Variants in LMTK2 observed in about 807,000 individuals in gnomAD.
The protein encoded by LMTK2 is serine/threonine-protein kinase LMTK2.
In LMTK2, 37 loss-of-function variants were observed where a neutral mutation model predicts 127.5. That is an observed-to-expected ratio of 0.29 (90% CI 0.22 to 0.38). The LOEUF (loss-of-function observed/expected upper bound fraction) is 0.38. Among genes scored for constraint, LMTK2 ranks in the 10% least tolerant of loss-of-function variants. The probability of loss-of-function intolerance (pLI) is 1.00; values close to 1 mark genes in which losing one functional copy is unlikely to be tolerated. For missense variants in LMTK2, 1,694 were observed against 1,920.3 expected, an observed-to-expected ratio of 0.88 and a Z score of 2.20; for synonymous variants, 819 against 810.1, an observed-to-expected ratio of 1.01 and a Z score of -0.19.
chr7:98,191,749 T>C lies in LMTK2; in HGVS notation c.1284T>C (p.Ala428=). 6.2e-7 allele frequency: 1 copy of C among 1,614,142 alleles called. No individual in the cohort carries two copies. The highest frequency in any genetic ancestry group is 1.1e-5 in the South Asian group (1 of 91,084). Residue 428 remains alanine, a synonymous_variant, in exon 11 of 14, where the codon GCT becomes GCC. Coordinates refer to ENST00000297293, the MANE Select transcript of LMTK2 (RefSeq NM_014916.4). The stretch of plus-strand genomic sequence containing the variant: ...TCGACTTTGAACAGCAGTGGAACGC[T>C]CTGAAGCCGAACACAAACAGCAGAG... The part of the protein sequence containing the change: ...SEVDFEQQWN[A]LKPNTNSRDS...
chr7:98,184,229 C>T (rs1157698713), intron 7 of LMTK2, among the ~76,000 whole-genome samples: 1 of 152,008 alleles, frequency 6.6e-6, no homozygotes, highest in Non-Finnish European at 1.5e-5. Flanking sequence ...TCGAGCGTTC[C>T]CAGTGGGAGG....
At position 98,107,237 on chromosome 7, in the gene LMTK2, C is replaced by T; in HGVS notation, c.60C>T (p.Ile20=). 2 of 1,459,652 alleles carry T rather than the reference C, an allele frequency of 1.4e-6. No homozygotes were observed. The highest frequency in any genetic ancestry group is 9.0e-7 in the Non-Finnish European group (1 of 1,113,242). The allele number at this position is 1,459,652 out of a possible 1,614,324, so 90.4% of individuals were successfully genotyped here. A position where few individuals can be genotyped will look rare whatever the true frequency, so the allele number is the denominator to read the frequency against. ...TGCTGCTGCTGCTGGTCCTCCTGATCGCCGGCAGTGCTGGGGCCGCGCCAC... is the reference window on the plus strand; with the variant it reads ...TGCTGCTGCTGCTGGTCCTCCTGATTGCCGGCAGTGCTGGGGCCGCGCCAC... ...RLLLLLLVLL[I]AGSAGAAPLP... is the part of the protein sequence containing the mutation. The change falls in exon 1 of 14, where the codon ATC becomes ATT. Residue 20 remains isoleucine, a synonymous_variant. Coordinates refer to ENST00000297293, the MANE Select transcript of LMTK2 (RefSeq NM_014916.4).
intron 3 of LMTK2, among the ~76,000 whole-genome samples, chr7:98,143,050 A>C (rs918519614): frequency 6.6e-6 from 1 of 152,232 alleles, no homozygotes; most frequent in Admixed American, 6.5e-5. Flanking sequence ...AGGTGGGGAC[A>C]GACAGACAGC....
At chr7:98,204,217 G>A (rs752452926) in intron 13 of LMTK2, 31 bp downstream of exon 13, 10 of 1,244,814 alleles carry the variant, frequency 8.0e-6, no homozygotes, top group Admixed American at 3.4e-5. Flanking sequence ...GGGATTGGGA[G>A]TGCAGGGTCG....
intron 4 of LMTK2, 100 bp downstream of exon 4, chr7:98,151,555 T>G: frequency 1.1e-6 from 1 of 945,302 alleles, no homozygotes; most frequent in Non-Finnish European, 1.6e-6. Context: ...ACGTGCCCTG[T>G]GGGCCCTGCG....
chr7:98,194,644 T>G lies in LMTK2; in HGVS notation c.4107+72T>G. The G allele has an allele frequency of 1.5e-6, 2 of 1,373,820 alleles. No homozygotes were observed. Among genetic ancestry groups the G allele is most frequent in the Non-Finnish European group, 2.0e-6 (2 of 1,024,566 alleles). The allele number at this position is 1,373,820 out of a possible 1,614,324, so 85.1% of individuals were successfully genotyped here. On this transcript the variant is annotated intron_variant, in intron 11 of 13. Transcript: ENST00000297293. This position sits in a 1 kb window ranked among gnomAD's most constrained non-coding sequence, Gnocchi z 5.4. ...TTCCAAAATGTGCTAGGAAATTGAG[T>G]GTGGTCTGTTTTCTAGTTGCCATTT...
At position 98,186,450 on chromosome 7, in the gene LMTK2, T is replaced by C. The variant is rs369475340; in HGVS notation, c.877-427T>C. Among the ~76,000 whole-genome samples the C allele has an allele frequency of 1.3e-3, 195 of 152,306 alleles. 4 individuals carry two copies. The South Asian group carries it at 0.039, about 30-fold the overall frequency. ...GGAAAAAACTTCACAAAGTTGTTGC[T>C]TGCGTAGAATCACATAGCTGGTAAA... is the stretch of plus-strand genomic sequence containing the variant. On this transcript the variant is annotated intron_variant, in intron 8 of 13. Coordinates refer to ENST00000297293, the MANE Select transcript of LMTK2 (RefSeq NM_014916.4).
intron 6 of LMTK2, among the ~76,000 whole-genome samples, chr7:98,165,013 T>C (rs1797073130): frequency 6.6e-6 from 1 of 152,212 alleles, no homozygotes; most frequent in Non-Finnish European, 1.5e-5. Context: ...CCACTGTTTC[T>C]GAAGGCAGTT....
Position 98,191,995 on chromosome 7 carries a change from T to A in LMTK2, c.1530T>A (p.Phe510Leu), listed in dbSNP as rs757018596. Reference sequence around the variant, plus strand: ...GCATCTTCTATCCGGTTGAAGTTTTTGAGAGTTCGCTTTCAGATCCTGGGC... The same window carrying A: ...GCATCTTCTATCCGGTTGAAGTTTTAGAGAGTTCGCTTTCAGATCCTGGGC... Reference protein sequence around the residue: ...YTSIFYPVEVFESSLSDPGPG... With the variant: ...YTSIFYPVEVLESSLSDPGPG... Residue 510 changes from phenylalanine (F) to leucine (L), a missense_variant, in exon 11 of 14, where the codon TTT (phenylalanine) becomes TTA (leucine). Around this residue, in one of 8 missense-constraint regions of LMTK2, gnomAD observed 216 missense variants for 266.8 expected, o/e 0.81. Coordinates refer to ENST00000297293, the MANE Select transcript of LMTK2 (RefSeq NM_014916.4). 1 of 1,612,186 alleles carries A rather than the reference T, an allele frequency of 6.2e-7. No homozygotes were observed. Among genetic ancestry groups the A allele is most frequent in the African/African-American group, 1.3e-5 (1 of 75,004 alleles).
chr7:98,202,890 G>T (rs1797723166), intron 11 of LMTK2, among the ~76,000 whole-genome samples: 1 of 152,192 alleles, frequency 6.6e-6, no homozygotes, highest in Admixed American at 6.5e-5. Context: ...TAGCTAGAAA[G>T]TTGAGGCTTT....
chr7:98,107,129 G>A lies in LMTK2; in HGVS notation c.-49G>A. 7.5e-7 allele frequency: 1 copy of A among 1,337,040 alleles called. No individual in the cohort carries two copies. The highest frequency in any genetic ancestry group is 9.7e-7 in the Non-Finnish European group (1 of 1,032,570). The allele number at this position is 1,337,040 out of a possible 1,614,324, so 82.8% of individuals were successfully genotyped here. A position where few individuals can be genotyped will look rare whatever the true frequency, so the allele number is the denominator to read the frequency against. On this transcript the variant is annotated 5_prime_UTR_variant, in exon 1 of 14. Transcript: ENST00000297293. ...TCGACTGACGGGCGAACGGACGGAC[G>A]GACGGAAGGCGACTCGAGGGCCGGC...
intron 11 of LMTK2, among the ~76,000 whole-genome samples, chr7:98,196,697 A>G (rs183086995): frequency 1.3e-5 from 2 of 152,266 alleles, no homozygotes; most frequent in Non-Finnish European, 2.9e-5. Context: ...GGAGGATGTT[A>G]TGTTTTTCTG....
intron 6 of LMTK2, among the ~76,000 whole-genome samples, chr7:98,161,680 T>C (rs942158263): frequency 6.6e-6 from 1 of 152,158 alleles, no homozygotes; most frequent in African/African-American, 2.4e-5. Flanking sequence ...TAGGTTATTG[T>C]GATATAAAAA....
chr7:98,184,456 G>GT, intron 7 of LMTK2, among the ~76,000 whole-genome samples: 1 of 152,080 alleles, frequency 6.6e-6, no homozygotes, highest in East Asian at 1.9e-4. Flanking sequence ...GGGTATGTGT[G>GT]TGGGGGTGCT....
At chr7:98,173,953 G>T (rs937156326) in intron 7 of LMTK2, among the ~76,000 whole-genome samples, 1 of 152,114 alleles carries the variant, frequency 6.6e-6, no homozygotes, top group Non-Finnish European at 1.5e-5. Flanking sequence ...CTATTCGGGA[G>T]GCTGAGGCAG....
Position 98,171,456 on chromosome 7 carries a change from A to G in LMTK2, c.658-85A>G, listed in dbSNP as rs1381891175. On this transcript the variant is annotated intron_variant, in intron 6 of 13. Transcript: ENST00000297293. The surrounding 1 kb of genome is among the most constrained non-coding windows in gnomAD (Gnocchi z 5.1). The stretch of plus-strand genomic sequence containing the variant: ...GAAGTTTCTAATAAATAATCTTAAC[A>G]GTTAGTGTTCACCGAGGCACGTATT... The G allele has an allele frequency of 3.3e-6, 5 of 1,533,356 alleles. No individual in the cohort carries two copies. The African/African-American group carries it at 6.8e-5, about 21-fold the overall frequency. 95.0% of individuals were successfully genotyped at this position (1,533,356 alleles called of 1,614,324 possible).
intron 11 of LMTK2, among the ~76,000 whole-genome samples, chr7:98,202,424 T>G (rs753633343): frequency 6.6e-5 from 10 of 152,356 alleles, no homozygotes; most frequent in Non-Finnish European, 1.5e-4. Context: ...CACTGGCACC[T>G]GTTGATTGTC....
At chr7:98,174,022 CTCTAG>C (rs1381424614) in intron 7 of LMTK2, among the ~76,000 whole-genome samples, 2 of 150,560 alleles carry the variant, frequency 1.3e-5, no homozygotes, top group Non-Finnish European at 2.9e-5. Flanking sequence ...TGCCACTGCA[CTCTAG>C]TCTGGGTGAC....
In LMTK2 at chr7:98,159,479, G is replaced by C; in HGVS notation, c.657+54G>C. 3 of 1,203,326 alleles carry C rather than the reference G, an allele frequency of 2.5e-6. No individual in the cohort carries two copies. The South Asian group carries it at 3.7e-5, about 15-fold the overall frequency. The allele number at this position is 1,203,326 out of a possible 1,614,324, so 74.5% of individuals were successfully genotyped here. On this transcript the variant is annotated intron_variant, in intron 6 of 13. Transcript: ENST00000297293. ...AGTATTCCAGAGGTTGTATTCAAGT[G>C]TTTTTGACAGATGGACATGCTGGAT...
Sources: gnomAD v4.1 joint callset for allele counts (sites outside exome capture counted in the v4.1 genomes callset) on GRCh38, gnomAD v4.1.1 for gene constraint, gnomAD v4.1.1 regional missense constraint, Gnocchi (gnomAD v3.1) non-coding constraint, MANE v1.5 for transcripts, NCBI Gene and HGNC (gene_info 2026-07-23, HGNC 2026-07-21) for gene names.